The following CACNA1B variants were observed in gnomAD, a reference collection of about 807,000 sequenced individuals.
The protein encoded by CACNA1B is voltage-dependent N-type calcium channel subunit alpha-1B.
CACNA1B carries 70 observed loss-of-function variants against 247.2 expected under a neutral mutation model. That is an observed-to-expected ratio of 0.28 (90% CI 0.23 to 0.35). CACNA1B has a LOEUF of 0.35. CACNA1B is among the 10% of genes least tolerant of loss of function. CACNA1B has a pLI of 1.00. For synonymous variants in CACNA1B, 1,231 were observed against 1,294.4 expected, an observed-to-expected ratio of 0.95 and a Z score of 1.05; for missense variants, 2,367 against 3,197.4, an observed-to-expected ratio of 0.74 and a Z score of 6.26.
chr9:138,078,243 C>T lies in CACNA1B; in HGVS notation c.5079C>T (p.Phe1693=), dbSNP rs866255426. ...ACTTCTACTTCGTCTCCTTCATCTT[C>T]CTGTGCTCCTTTCTGGTGAGTCCTG... ...FAYFYFVSFI[F]LCSFLMLNLF... is the part of the protein sequence containing the mutation. The change falls in exon 36 of 47, where the codon TTC becomes TTT. Residue 1693 remains phenylalanine, a synonymous_variant. Transcript: ENST00000371372. The T allele has an allele frequency of 6.2e-7, 1 of 1,614,010 alleles. No individual in the cohort carries two copies. Among genetic ancestry groups the T allele is most frequent in the Non-Finnish European group, 8.5e-7 (1 of 1,179,876 alleles).
intron 15 of CACNA1B, among the ~76,000 whole-genome samples, chr9:138,002,558 A>AG (rs1362216362): frequency 7.9e-5 from 12 of 151,322 alleles, no homozygotes; most frequent in African/African-American, 2.9e-4. Context: ...AAAAAAAAAA[A>AG]AAAAAATAGC....
rs1589129289 is a variant in CACNA1B at position 138,102,456 on chromosome 9, G to T, written c.5223-255G>T. Among the ~76,000 whole-genome samples, 1 of 152,152 alleles carries T rather than the reference G, an allele frequency of 6.6e-6. No homozygotes were observed. The highest frequency in any genetic ancestry group is 1.9e-4 in the East Asian group (1 of 5,170). Reference sequence around the variant, plus strand: ...AGCTCAGACGCCACCCCCGCCCACTGCCCCGCGTGGGGCTGGAGTGAGGAG... The same window carrying T: ...AGCTCAGACGCCACCCCCGCCCACTTCCCCGCGTGGGGCTGGAGTGAGGAG... On this transcript the variant is annotated intron_variant, in intron 37 of 46. Transcript: ENST00000371372. The surrounding 1 kb of genome is among the most constrained non-coding windows in gnomAD (Gnocchi z 5.4).
At chr9:137,941,380 G>T (rs1213041518) in intron 6 of CACNA1B, among the ~76,000 whole-genome samples, 1 of 152,058 alleles carries the variant, frequency 6.6e-6, no homozygotes, top group East Asian at 1.9e-4. Flanking sequence ...TAACCAAGGA[G>T]GTGAAAGACC....
At chr9:138,056,500 CT>C (rs1959504113) in intron 26 of CACNA1B, among the ~76,000 whole-genome samples, 2 of 152,236 alleles carry the variant, frequency 1.3e-5, no homozygotes, top group African/African-American at 4.8e-5. Flanking sequence ...TTGTTTCTAC[CT>C]TGTGGCTGTT....
chr9:137,910,538 C>G (rs555559298), intron 3 of CACNA1B, among the ~76,000 whole-genome samples: 6 of 152,268 alleles, frequency 3.9e-5, no homozygotes, highest in East Asian at 1.9e-4. Flanking sequence ...AATAATTATA[C>G]AACTCACCAT....
chr9:137,966,778 T>A (rs541252478), intron 10 of CACNA1B, among the ~76,000 whole-genome samples: 6 of 152,256 alleles, frequency 3.9e-5, no homozygotes, highest in South Asian at 4.1e-4. Flanking sequence ...GACCTCGTGA[T>A]CCGCCCGCCT....
intron 15 of CACNA1B, among the ~76,000 whole-genome samples, chr9:138,000,232 G>C (rs1363020727): frequency 2.0e-5 from 3 of 151,654 alleles, no homozygotes; most frequent in Admixed American, 1.3e-4. Context: ...CCGAGTGGCT[G>C]GGACTACAGG....
intron 26 of CACNA1B, among the ~76,000 whole-genome samples, chr9:138,055,457 C>T (rs1589100329): frequency 6.6e-6 from 1 of 152,154 alleles, no homozygotes; most frequent in South Asian, 2.1e-4. Context: ...TAGAGTCCAA[C>T]TGATCTTTTT....
intron 16 of CACNA1B, among the ~76,000 whole-genome samples, chr9:138,009,198 C>G (rs957087830): frequency 6.6e-6 from 1 of 152,214 alleles, no homozygotes; most frequent in African/African-American, 2.4e-5. Context: ...TGTGCCGGTA[C>G]CTGTGGCAGG....
intron 36 of CACNA1B, among the ~76,000 whole-genome samples, chr9:138,084,268 C>G (rs1960622570): frequency 6.6e-6 from 1 of 151,234 alleles, no homozygotes; most frequent in Non-Finnish European, 1.5e-5. Context: ...ACTCTGAGCA[C>G]CTGCACCTGG....
intron 15 of CACNA1B, among the ~76,000 whole-genome samples, chr9:138,005,695 A>G (rs1170331039): frequency 6.6e-6 from 1 of 152,260 alleles, no homozygotes; most frequent in Non-Finnish European, 1.5e-5. Flanking sequence ...GTATGCATGT[A>G]TCAAAATACC....
Position 138,120,825 on chromosome 9 carries a change from C to T in CACNA1B, c.6433C>T (p.Leu2145Phe). ...TGAGCCCCCGAAGCCCAAGCCCTCC[C>T]TCAGCAGCCACCCAACGTCGCCAAC... ...GREPPKPKPS[L>F]SSHPTSPTAG... Residue 2145 changes from leucine (L) to phenylalanine (F), a missense_variant, in exon 46 of 47, where the codon CTC becomes TTC. Leu to Phe is a conservative substitution (Grantham distance 22). Transcript: ENST00000371372. The T allele has an allele frequency of 6.4e-7, 1 of 1,569,164 alleles. No homozygotes were observed. Among genetic ancestry groups the T allele is most frequent in the Non-Finnish European group, 8.6e-7 (1 of 1,157,330 alleles).
intron 3 of CACNA1B, among the ~76,000 whole-genome samples, chr9:137,903,458 T>C (rs1715546526): frequency 6.6e-6 from 1 of 152,184 alleles, no homozygotes; most frequent in Non-Finnish European, 1.5e-5. Context: ...CAGTGGTCTC[T>C]CTCTGTCCGT....
Position 138,058,153 on chromosome 9 carries a change from CCTT to C in CACNA1B, c.4219_4221del (p.Phe1407del). On this transcript the variant is annotated inframe_deletion, in exon 28 of 47. Coordinates refer to ENST00000371372, the MANE Select transcript of CACNA1B (RefSeq NM_000718.4). This position sits in a 1 kb window ranked among gnomAD's most constrained non-coding sequence, Gnocchi z 4.7. ...TACGTGGTCTACTTTGTGGTCTTTC[CCTT>C]CTTCTTCGTCAACATCTTTGTGGCT... 2 of 1,613,862 alleles carry C rather than the reference CCTT, an allele frequency of 1.2e-6. No individual in the cohort carries two copies. The highest frequency in any genetic ancestry group is 1.7e-6 in the Non-Finnish European group (2 of 1,179,738).
intron 3 of CACNA1B, among the ~76,000 whole-genome samples, chr9:137,896,108 A>G (rs966291669): frequency 6.6e-5 from 10 of 152,126 alleles, no homozygotes; most frequent in East Asian, 1.9e-4. Flanking sequence ...GTGTGGTGGC[A>G]GGCGCCTGTA....
intron 36 of CACNA1B, among the ~76,000 whole-genome samples, chr9:138,092,441 G>A (rs1453821852): frequency 2.0e-5 from 3 of 152,214 alleles, no homozygotes; most frequent in African/African-American, 7.2e-5. Context: ...ATATGGCTCT[G>A]TTCTGCCCAG....
rs537472383 is a variant in CACNA1B, at chr9:137,971,720, C to T, written c.1543+128C>T. 2.8e-5 allele frequency: 22 copies of T among 777,012 alleles called. No individual in the cohort carries two copies. Among genetic ancestry groups the T allele is most frequent in the Non-Finnish European group, 4.4e-5 (21 of 477,292 alleles). 48.1% of individuals were successfully genotyped at this position (777,012 alleles called of 1,614,324 possible). Reference sequence around the variant, plus strand: ...CACCCCCATGTTGCTCAAAGTATCCCACAGCCCTAGTCAGCCTCCAGGAGC... The same window carrying T: ...CACCCCCATGTTGCTCAAAGTATCCTACAGCCCTAGTCAGCCTCCAGGAGC... On this transcript the variant is annotated intron_variant, in intron 11 of 46. Coordinates refer to ENST00000371372, the MANE Select transcript of CACNA1B (RefSeq NM_000718.4). This position sits in a 1 kb window ranked among gnomAD's most constrained non-coding sequence, Gnocchi z 4.4.
intron 37 of CACNA1B, chr9:138,101,332 C>T (rs1589128604): frequency 2.3e-6 from 1 of 437,058 alleles, no homozygotes. Flanking sequence ...ACTCCAGCCT[C>T]CTGGACGCTT....
chr9:137,972,416 C>T (rs1415596886), intron 11 of CACNA1B, among the ~76,000 whole-genome samples: 1 of 152,144 alleles, frequency 6.6e-6, no homozygotes, highest in African/African-American at 2.4e-5. Context: ...TGGAGGGCCT[C>T]AGTCTCCCCT....
Sources: gnomAD v4.1 joint callset for allele counts (sites outside exome capture counted in the v4.1 genomes callset) on GRCh38, gnomAD v4.1.1 for gene constraint, Gnocchi (gnomAD v3.1) non-coding constraint, MANE v1.5 for transcripts, NCBI Gene and HGNC (gene_info 2026-07-23, HGNC 2026-07-21) for gene names.